RNGTT: variants seen among roughly 807,000 people sequenced by gnomAD.
RNGTT encodes the protein RNA guanylyltransferase and 5'-phosphatase.
Under a neutral mutation model 79.3 loss-of-function variants are expected in RNGTT, and 33 were observed. That is an observed-to-expected ratio of 0.42 (90% CI 0.32 to 0.56). The LOEUF (loss-of-function observed/expected upper bound fraction) is 0.56, where lower values mean the gene tolerates loss of function less well. Among genes scored for constraint, RNGTT ranks in the 20% least tolerant of loss-of-function variants. The pLI, the probability that RNGTT is intolerant of heterozygous loss-of-function variation, is 0.17. For synonymous variants in RNGTT, 222 were observed against 235.9 expected (o/e 0.94, Z 0.54); for missense variants, 497 against 739.1 (o/e 0.67, Z 3.80).
At chr6:88,676,940 G>C (rs1020985861) in intron 14 of RNGTT, among the ~76,000 whole-genome samples, 1 of 152,038 alleles carries the variant, frequency 6.6e-6, no homozygotes, top group Non-Finnish European at 1.5e-5. Flanking sequence ...TGCAAAACTC[G>C]TACACAAATG....
chr6:88,694,933 C>T (rs1775608349), intron 13 of RNGTT, among the ~76,000 whole-genome samples: 1 of 152,120 alleles, frequency 6.6e-6, no homozygotes, highest in South Asian at 2.1e-4. Flanking sequence ...CTGCTCTGGA[C>T]TTCTCAGCCT....
chr6:88,713,445 G>C (rs1776387932), intron 13 of RNGTT, among the ~76,000 whole-genome samples: 1 of 152,128 alleles, frequency 6.6e-6, no homozygotes, highest in African/African-American at 2.4e-5. Context: ...AACTAAGGGG[G>C]AAGGCAAAGA....
At chr6:88,649,704 A>G (rs1050335420) in intron 14 of RNGTT, among the ~76,000 whole-genome samples, 2 of 152,170 alleles carry the variant, frequency 1.3e-5, no homozygotes, top group African/African-American at 2.4e-5. Flanking sequence ...CTCAAAAAAA[A>G]AAAGGTTCTA....
intron 13 of RNGTT, among the ~76,000 whole-genome samples, chr6:88,742,576 A>G (rs1777529826): frequency 6.6e-6 from 1 of 152,230 alleles, no homozygotes; most frequent in Admixed American, 6.5e-5. Flanking sequence ...AAGGCTTGTT[A>G]GAAGTCACGG....
At chr6:88,940,397 A>G (rs1283074982) in intron 2 of RNGTT, among the ~76,000 whole-genome samples, 1 of 152,194 alleles carries the variant, frequency 6.6e-6, no homozygotes, top group Non-Finnish European at 1.5e-5. Context: ...AATTTTTGGA[A>G]TTAGCTTTTG....
chr6:88,909,047 G>A (rs1048256304), intron 4 of RNGTT, among the ~76,000 whole-genome samples: 1 of 152,196 alleles, frequency 6.6e-6, no homozygotes, highest in African/African-American at 2.4e-5. Context: ...GGGCAGGAAA[G>A]GAGCCTTCAC....
At chr6:88,667,466 C>T (rs958265595) in intron 14 of RNGTT, among the ~76,000 whole-genome samples, 14 of 152,196 alleles carry the variant, frequency 9.2e-5, no homozygotes, top group African/African-American at 2.7e-4. Context: ...CCAACCATCC[C>T]GCTCAGCATA....
intron 1 of RNGTT, among the ~76,000 whole-genome samples, chr6:88,961,581 C>A (rs1432340780): frequency 6.6e-6 from 1 of 152,170 alleles, no homozygotes; most frequent in African/African-American, 2.4e-5. Flanking sequence ...GGATTACAGG[C>A]ACATACCACC....
At chr6:88,658,531 A>G (rs750404911) in intron 14 of RNGTT, among the ~76,000 whole-genome samples, 11 of 152,226 alleles carry the variant, frequency 7.2e-5, no homozygotes, top group African/African-American at 2.4e-4. Context: ...AGGAAGCCCA[A>G]TCCCTTGGGG....
chr6:88,664,770 T>C (rs368548500), intron 14 of RNGTT, among the ~76,000 whole-genome samples: 2 of 152,164 alleles, frequency 1.3e-5, no homozygotes, highest in South Asian at 4.1e-4. Flanking sequence ...GAGGGGTTAT[T>C]GGACCGAAGG....
intron 13 of RNGTT, among the ~76,000 whole-genome samples, chr6:88,756,629 TAGAA>T (rs1353702654): frequency 6.6e-6 from 1 of 152,220 alleles, no homozygotes; most frequent in Non-Finnish European, 1.5e-5. Context: ...AGTACACACT[TAGAA>T]AGTAAAGGAA....
chr6:88,911,283 G>A (rs1422093949), intron 4 of RNGTT, among the ~76,000 whole-genome samples: 1 of 152,172 alleles, frequency 6.6e-6, no homozygotes, highest in African/African-American at 2.4e-5. Context: ...TAAAGGGATG[G>A]AGAAAGATCT....
At chr6:88,691,869 C>T (rs577689582) in intron 13 of RNGTT, among the ~76,000 whole-genome samples, 3 of 152,184 alleles carry the variant, frequency 2.0e-5, no homozygotes, top group African/African-American at 4.8e-5. Context: ...GATATATTAA[C>T]ATATTTTAAT....
At chr6:88,919,485 A>C (rs1291631748) in intron 4 of RNGTT, among the ~76,000 whole-genome samples, 3 of 152,038 alleles carry the variant, frequency 2.0e-5, no homozygotes, top group African/African-American at 7.2e-5. Flanking sequence ...ATCTCAACAT[A>C]CACTATTTTG....
In RNGTT at chr6:88,919,601, G is replaced by T. The variant is rs141262847; in HGVS notation, c.367+9384C>A. Among the ~76,000 whole-genome samples the T allele has an allele frequency of 2.2e-3, 338 of 151,622 alleles. 3 individuals carry two copies. The highest frequency in any genetic ancestry group is 8.0e-3 in the African/African-American group (331 of 41,328). On this transcript the variant is annotated intron_variant, in intron 4 of 15. Transcript: ENST00000369485. ...CTTGGTCTTCTGGGATTGTAGGCAT[G>T]AGCCACCACACCTGGCCCACAATTT...
chr6:88,890,391 C>A (rs914772826), intron 8 of RNGTT, 104 bp downstream of exon 8: 1 of 711,148 alleles, frequency 1.4e-6, no homozygotes, highest in African/African-American at 1.8e-5. Context: ...TTGCTATTCA[C>A]ATTAGAAATT....
intron 13 of RNGTT, among the ~76,000 whole-genome samples, chr6:88,718,405 A>AG (rs897981038): frequency 1.3e-5 from 2 of 151,800 alleles, no homozygotes; most frequent in African/African-American, 4.8e-5. Flanking sequence ...AAAAAAAGAA[A>AG]GGAAAAAAAA....
intron 14 of RNGTT, among the ~76,000 whole-genome samples, chr6:88,669,648 T>C (rs1175670697): frequency 6.6e-6 from 1 of 152,220 alleles, no homozygotes; most frequent in Non-Finnish European, 1.5e-5. Flanking sequence ...TCACCAGGAC[T>C]GGACGGCTCC....
At position 88,929,171 on chromosome 6, in the gene RNGTT, A is replaced by C. The variant is rs1370274893; in HGVS notation, c.271T>G (p.Cys91Gly). 6.3e-7 allele frequency: 1 copy of C among 1,593,072 alleles called. No homozygotes were observed. The highest frequency in any genetic ancestry group is 1.7e-5 in the Admixed American group (1 of 59,182). The change falls in exon 3 of 16, where the codon TGT becomes GGT. Residue 91 changes from cysteine to glycine, a missense_variant. This residue lies in a region of RNGTT where 440 missense variants were observed against 671.5 expected (regional missense o/e 0.66). Coordinates refer to ENST00000369485, the MANE Select transcript of RNGTT (RefSeq NM_003800.5). The part of the protein sequence containing the change: ...KEGIKYIKLQ[C>G]KGHGECPTTE... ...TCTTAATATATAACTTACCCTTTAC[A>C]CTGAAGTTTTATATATTTGATTCCT...
Sources: gnomAD v4.1 joint callset for allele counts (sites outside exome capture counted in the v4.1 genomes callset) on GRCh38, gnomAD v4.1.1 for gene constraint, gnomAD v4.1.1 regional missense constraint, MANE v1.5 for transcripts, NCBI Gene and HGNC (gene_info 2026-07-23, HGNC 2026-07-21) for gene names.